SPHKAP: variants seen among roughly 807,000 people sequenced by gnomAD.
SPHKAP encodes the protein SPHK1 interactor, AKAP domain containing.
In SPHKAP, 67 loss-of-function variants were observed where a neutral mutation model predicts 137.5. The ratio of observed to expected loss-of-function variants is 0.49; its 90% CI spans 0.40 to 0.60. SPHKAP has a LOEUF of 0.60. SPHKAP is among the 20% of genes least tolerant of loss of function. The pLI is 0.00. For synonymous variants in SPHKAP, 813 were observed against 785.3 expected (o/e 1.04, Z -0.59); for missense variants, 2,097 against 2,069.3 (o/e 1.01, Z -0.26).
At chr2:228,110,923 T>G in intron 2 of SPHKAP, among the ~76,000 whole-genome samples, 1 of 152,168 alleles carries the variant, frequency 6.6e-6, no homozygotes, top group East Asian at 1.9e-4. Context: ...TCTTATTTAT[T>G]TAATTTAAAT....
intron 3 of SPHKAP, among the ~76,000 whole-genome samples, chr2:228,047,287 G>A (rs1349721961): frequency 7.2e-5 from 11 of 152,010 alleles, no homozygotes; most frequent in Admixed American, 1.3e-4. Flanking sequence ...CCAACACTGC[G>A]AAACCCCATC....
At chr2:228,145,729 G>A (rs1306589921) in intron 1 of SPHKAP, among the ~76,000 whole-genome samples, 2 of 152,134 alleles carry the variant, frequency 1.3e-5, no homozygotes, top group Non-Finnish European at 2.9e-5. Context: ...AGCAATGAGA[G>A]TATAAACAGA....
rs1384159842 is a variant in SPHKAP at position 227,995,675 on chromosome 2, C to T, written c.4468G>A (p.Asp1490Asn). The T allele has an allele frequency of 1.2e-6, 2 of 1,605,324 alleles. No homozygotes were observed. The highest frequency in any genetic ancestry group is 1.3e-5 in the African/African-American group (1 of 74,502). The change falls in exon 8 of 12, where the codon GAT (aspartate) becomes AAT (asparagine). Residue 1490 changes from aspartate to asparagine, a missense_variant. Coordinates refer to ENST00000392056, the MANE Select transcript of SPHKAP (RefSeq NM_001142644.2). ...GTGGAGGCTTCAGCCTCTGGTACATCTCTGGTATCAAGGCTGTCACTGTAG... is the reference window on the plus strand; with the variant it reads ...GTGGAGGCTTCAGCCTCTGGTACATTTCTGGTATCAAGGCTGTCACTGTAG... ...QIHSDSLDTRDVPEAEASTEA... is the reference protein window; with the variant it reads ...QIHSDSLDTRNVPEAEASTEA...
intron 7 of SPHKAP, among the ~76,000 whole-genome samples, chr2:228,006,149 C>G (rs1694120871): frequency 6.6e-6 from 1 of 152,142 alleles, no homozygotes; most frequent in African/African-American, 2.4e-5. Flanking sequence ...CAAGTCGGTT[C>G]CATTCTCCCC....
intron 3 of SPHKAP, among the ~76,000 whole-genome samples, chr2:228,069,633 C>T (rs1291620447): frequency 6.6e-6 from 1 of 151,484 alleles, no homozygotes; most frequent in Non-Finnish European, 1.5e-5. Flanking sequence ...CATTTAATTA[C>T]TAGAACCATC....
intron 3 of SPHKAP, among the ~76,000 whole-genome samples, chr2:228,063,642 T>C (rs62201073): frequency 0.046 from 7,057 of 152,224 alleles, 245 homozygotes; most frequent in Non-Finnish European, 0.059. Context: ...ATCAAGATGA[T>C]ACTGCTGAGT....
intron 1 of SPHKAP, among the ~76,000 whole-genome samples, chr2:228,178,121 A>G (rs747559712): frequency 6.6e-6 from 1 of 152,168 alleles, no homozygotes; most frequent in African/African-American, 2.4e-5. Context: ...TTCTGATGGT[A>G]TCAGTGTTTG....
Position 228,025,862 on chromosome 2 carries a change from T to C in SPHKAP, c.307-334A>G, listed in dbSNP as rs79120894. On this transcript the variant is annotated intron_variant, in intron 4 of 11. Transcript: ENST00000392056. ...AAATTTTCCCTTTTAAGACCTTGCA[T>C]AAAACATTTTTTGTTTTAACTAATA... 18 of 984,862 alleles carry C rather than the reference T, an allele frequency of 1.8e-5. No homozygotes were observed. In the East Asian group the frequency reaches 1.7e-3, roughly 93 times the overall value. 61.0% of individuals were successfully genotyped at this position (984,862 alleles called of 1,614,324 possible). A position where few individuals can be genotyped will look rare whatever the true frequency, so the allele number is the denominator to read the frequency against.
intron 7 of SPHKAP, among the ~76,000 whole-genome samples, chr2:227,998,594 G>C (rs1339204429): frequency 6.6e-6 from 1 of 152,138 alleles, no homozygotes; most frequent in East Asian, 1.9e-4. Flanking sequence ...GCTGCTGACT[G>C]TACACACTGG....
intron 3 of SPHKAP, among the ~76,000 whole-genome samples, chr2:228,095,630 A>T (rs1464712007): frequency 2.6e-5 from 4 of 152,150 alleles, no homozygotes; most frequent in Non-Finnish European, 4.4e-5. Context: ...GAGAGAAGAG[A>T]TAGTATACTT....
intron 1 of SPHKAP, among the ~76,000 whole-genome samples, chr2:228,147,905 A>T (rs775528315): frequency 2.6e-5 from 4 of 152,102 alleles, no homozygotes; most frequent in Non-Finnish European, 4.4e-5. Context: ...AATCAAGTGC[A>T]ACTTGATTTA....
intron 3 of SPHKAP, among the ~76,000 whole-genome samples, chr2:228,070,311 G>C (rs1244033237): frequency 6.6e-6 from 1 of 152,174 alleles, no homozygotes; most frequent in Admixed American, 6.5e-5. Flanking sequence ...GGAAGAGGAA[G>C]TGTTGGTCCT....
chr2:228,160,712 G>A (rs964947869), intron 1 of SPHKAP, among the ~76,000 whole-genome samples: 1 of 152,096 alleles, frequency 6.6e-6, no homozygotes, highest in Admixed American at 6.6e-5. Flanking sequence ...ATACTTGATG[G>A]GACAATGACT....
At chr2:228,015,312 A>G (rs1694538325) in intron 7 of SPHKAP, among the ~76,000 whole-genome samples, 1 of 151,578 alleles carries the variant, frequency 6.6e-6, no homozygotes, top group African/African-American at 2.4e-5. Context: ...TTCTTAATCC[A>G]GTCTATCATT....
At chr2:228,095,011 T>C (rs542771500) in intron 3 of SPHKAP, among the ~76,000 whole-genome samples, 1 of 152,204 alleles carries the variant, frequency 6.6e-6, no homozygotes, top group Admixed American at 6.5e-5. Context: ...ATAGCCAGAA[T>C]TGCAAAATCA....
At chr2:228,029,950 A>T (rs966642440) in intron 3 of SPHKAP, among the ~76,000 whole-genome samples, 1 of 152,180 alleles carries the variant, frequency 6.6e-6, no homozygotes, top group Non-Finnish European at 1.5e-5. Context: ...AAAGGCCTCT[A>T]TAGTAGCAAT....
chr2:227,983,831 T>C (rs552929305), intron 11 of SPHKAP, among the ~76,000 whole-genome samples: 51 of 152,220 alleles, frequency 3.4e-4, no homozygotes, highest in Non-Finnish European at 6.9e-4. Flanking sequence ...GAACAGAGCC[T>C]GGAGTAGGAG....
At chr2:227,985,957 C>T (rs1693193479) in intron 11 of SPHKAP, among the ~76,000 whole-genome samples, 1 of 152,162 alleles carries the variant, frequency 6.6e-6, no homozygotes. Flanking sequence ...GTAGAGCTAT[C>T]AGTCTGAGCC....
chr2:228,012,185 AAAAGAAAG>A (rs1440093998), intron 7 of SPHKAP, among the ~76,000 whole-genome samples: 2 of 77,106 alleles, frequency 2.6e-5, no homozygotes, highest in African/African-American at 5.3e-5. Context: ...AAAAAAAAAA[AAAAGAAAG>A]AAAGAAAGAA....
Sources: allele counts gnomAD v4.1 joint callset (sites outside exome capture counted in the v4.1 genomes callset), GRCh38; gene constraint gnomAD v4.1.1; transcripts MANE v1.5; gene names NCBI Gene and HGNC (gene_info 2026-07-23, HGNC 2026-07-21).